Variants in PCDH15 observed in about 807,000 individuals in gnomAD.
PCDH15 encodes protocadherin related 15.
A neutral mutation model predicts 178.5 loss-of-function variants in PCDH15; 129 were observed. The ratio of observed to expected loss-of-function variants is 0.72; its 90% confidence interval spans 0.63 to 0.84. The LOEUF (loss-of-function observed/expected upper bound fraction) is 0.84. Among genes scored for constraint, PCDH15 ranks in the 40% least tolerant of loss-of-function variants. The pLI is 0.00. For synonymous variants in PCDH15, 800 were observed against 732.0 expected, an observed-to-expected ratio of 1.09 and a Z score of -1.50; for missense variants, 2,230 against 2,099.9, an observed-to-expected ratio of 1.06 and a Z score of -1.21.
chr10:53,986,820 G>A (rs1478053030), intron 21 of PCDH15, among the ~76,000 whole-genome samples: 1 of 152,186 alleles, frequency 6.6e-6, no homozygotes, highest in African/African-American at 2.4e-5. Flanking sequence ...AAGGGAAAGG[G>A]GAAATAGGGA....
intron 2 of PCDH15, among the ~76,000 whole-genome samples, chr10:55,381,818 G>C (rs2441764): frequency 1.3e-5 from 2 of 151,936 alleles, no homozygotes; most frequent in Non-Finnish European, 2.9e-5. Flanking sequence ...AAGTTGATCC[G>C]GCCACTCACC....
rs140721486 is a variant in PCDH15, at chr10:55,551,968, A to G, written c.-156+75657T>C. ...TTTTCTTTATTCTTCCAATATCTGAAGGTTTTCCGTATTTAAATAACACAT... is the reference window on the plus strand; with the variant it reads ...TTTTCTTTATTCTTCCAATATCTGAGGGTTTTCCGTATTTAAATAACACAT... On this transcript the variant is annotated intron_variant, in intron 2 of 5. Transcript: ENST00000613346. 4.7e-4 allele frequency among the ~76,000 whole-genome samples: 71 copies of G among 151,834 alleles called. No homozygotes were observed. The East Asian group carries it at 7.9e-3, about 17-fold the overall frequency.
chr10:54,594,020 G>C (rs541428373), intron 2 of PCDH15, among the ~76,000 whole-genome samples: 3 of 152,024 alleles, frequency 2.0e-5, no homozygotes, highest in Admixed American at 2.0e-4. Flanking sequence ...GGGATAAAGG[G>C]AGATGAAGCT....
intron 2 of PCDH15, among the ~76,000 whole-genome samples, chr10:54,589,448 T>C (rs1565678549): frequency 6.6e-6 from 1 of 152,180 alleles, no homozygotes; most frequent in African/African-American, 2.4e-5. Context: ...TGAACCCCCA[T>C]TGGCCATTCT....
chr10:54,010,722 A>G (rs750914389), intron 20 of PCDH15, among the ~76,000 whole-genome samples: 10 of 152,136 alleles, frequency 6.6e-5, no homozygotes, highest in Non-Finnish European at 1.0e-4. Flanking sequence ...CTTGGCCACT[A>G]TGCAGGAACT....
At chr10:54,075,543 G>A (rs923590896) in intron 17 of PCDH15, among the ~76,000 whole-genome samples, 2 of 151,934 alleles carry the variant, frequency 1.3e-5, no homozygotes, top group African/African-American at 4.8e-5. Context: ...GTTGTTGTCT[G>A]TGTCTTTGGG....
chr10:55,425,551 C>G (rs892448922), intron 2 of PCDH15, among the ~76,000 whole-genome samples: 1 of 151,964 alleles, frequency 6.6e-6, no homozygotes, highest in Non-Finnish European at 1.5e-5. Flanking sequence ...CACAAATTCT[C>G]AAGTGTATTT....
At chr10:55,369,201 C>T (rs746383476) in intron 2 of PCDH15, among the ~76,000 whole-genome samples, 18 of 151,834 alleles carry the variant, frequency 1.2e-4, no homozygotes, top group Non-Finnish European at 2.5e-4. Flanking sequence ...TTCTTACTGC[C>T]TAGAGTTCTC....
chr10:54,643,865 T>C (rs1349586114), intron 2 of PCDH15, among the ~76,000 whole-genome samples: 1 of 150,760 alleles, frequency 6.6e-6, no homozygotes, highest in Non-Finnish European at 1.5e-5. Flanking sequence ...ATGTGCACAA[T>C]GTGCAGGTTA....
rs1216760038 is a variant in PCDH15, at chr10:54,181,005, TAC to T, written c.1590+2437_1590+2438del. ...TCCCCTAAGGCAAACATTTTTGAGA[TAC>T]AGTTTCTCCATATAATTGCTATGAT... is the stretch of plus-strand genomic sequence containing the variant. On this transcript the variant is annotated intron_variant, in intron 13 of 37. Transcript: ENST00000644397. 3.3e-5 allele frequency among the ~76,000 whole-genome samples: 5 copies of T among 152,286 alleles called. No homozygotes were observed. In the East Asian group the frequency reaches 9.6e-4, roughly 29 times the overall value.
At chr10:54,031,592 T>A (rs1231416542) in intron 18 of PCDH15, among the ~76,000 whole-genome samples, 1 of 151,968 alleles carries the variant, frequency 6.6e-6, no homozygotes. Flanking sequence ...ATAAACAATA[T>A]TCCTGTAGTT....
intron 18 of PCDH15, among the ~76,000 whole-genome samples, chr10:54,062,245 A>AAAAAAAAAAAAAAAAAAAAT (rs2094037827): frequency 6.9e-6 from 1 of 143,926 alleles, no homozygotes; most frequent in African/African-American, 2.6e-5. Context: ...AAAAAAAAAA[A>AAAAAAAAAAAAAAAAAAAAT]AAAAAAACAA....
intron 1 of PCDH15, among the ~76,000 whole-genome samples, chr10:54,719,178 G>C (rs1340728993): frequency 6.6e-6 from 1 of 150,844 alleles, no homozygotes; most frequent in African/African-American, 2.4e-5. Flanking sequence ...AAAACAAACA[G>C]AATTTCTAGA....
intron 2 of PCDH15, among the ~76,000 whole-genome samples, chr10:54,656,442 T>TCCGTGG (rs2094408667): frequency 6.6e-6 from 1 of 152,136 alleles, no homozygotes; most frequent in African/African-American, 2.4e-5. Context: ...GGCAATGATG[T>TCCGTGG]CCGTGGCAAT....
At chr10:55,481,358 T>C (rs1840177180) in intron 2 of PCDH15, among the ~76,000 whole-genome samples, 1 of 151,832 alleles carries the variant, frequency 6.6e-6, no homozygotes, top group Non-Finnish European at 1.5e-5. Context: ...ATTTTGGTTA[T>C]TTCTTGTCTT....
intron 2 of PCDH15, among the ~76,000 whole-genome samples, chr10:54,619,550 TA>T (rs2093289930): frequency 6.6e-6 from 1 of 151,938 alleles, no homozygotes; most frequent in Admixed American, 6.6e-5. Context: ...ATGTTTTCAG[TA>T]AATACTGGGA....
chr10:55,279,258 G>A lies in PCDH15; in HGVS notation c.-156+40341C>T, dbSNP rs182996503. Among the ~76,000 whole-genome samples, 605 of 152,272 alleles carry A rather than the reference G, an allele frequency of 4.0e-3. 4 individuals are homozygous for A. The highest frequency in any genetic ancestry group is 0.014 in the African/African-American group (570 of 41,542). On this transcript the variant is annotated intron_variant, in intron 1 of 5. Transcript: ENST00000458638. ...GGTGCATAGATCATCTAATTGATAT[G>A]CGATCTCTGAGGAGTTGTCAGAAAA...
At chr10:55,452,776 G>A (rs1839464286) in intron 2 of PCDH15, among the ~76,000 whole-genome samples, 1 of 152,172 alleles carries the variant, frequency 6.6e-6, no homozygotes. Context: ...AAAAAAACTA[G>A]TGTTGTTGGG....
At chr10:54,509,370 T>G (rs1350244641) in intron 3 of PCDH15, among the ~76,000 whole-genome samples, 1 of 152,098 alleles carries the variant, frequency 6.6e-6, no homozygotes, top group African/African-American at 2.4e-5. Flanking sequence ...TCATTTTCTC[T>G]CTTGTCTGCC....
Sources: allele counts gnomAD v4.1 joint callset (sites outside exome capture counted in the v4.1 genomes callset), GRCh38; gene constraint gnomAD v4.1.1; transcripts MANE v1.5; gene names NCBI Gene and HGNC (gene_info 2026-07-23, HGNC 2026-07-21).